Variants in ASTN2 observed in about 807,000 individuals in gnomAD.
The protein encoded by ASTN2 is astrotactin-2.
In ASTN2, 54 loss-of-function variants were observed where a neutral mutation model predicts 139.8. That is an observed-to-expected ratio of 0.39 (90% confidence interval 0.31 to 0.48). ASTN2 has a LOEUF of 0.48. Ranked by LOEUF, ASTN2 falls within the 20% of genes least tolerant of loss-of-function variation. The pLI is 0.95. For missense variants in ASTN2, 1,565 were observed against 1,725.1 expected (o/e 0.91, Z 1.64); for synonymous variants, 756 against 719.5 (o/e 1.05, Z -0.81).
chr9:116,765,165 A>T (rs1010589505), intron 13 of ASTN2, among the ~76,000 whole-genome samples: 8 of 152,154 alleles, frequency 5.3e-5, no homozygotes, highest in African/African-American at 1.4e-4. Context: ...GCCAAATTCT[A>T]CCTGAGAGCA....
intron 20 of ASTN2, among the ~76,000 whole-genome samples, chr9:116,483,784 T>G (rs981586309): frequency 6.6e-6 from 1 of 152,166 alleles, no homozygotes; most frequent in Non-Finnish European, 1.5e-5. Flanking sequence ...ACAGAACTCA[T>G]GAGCTAGGAT....
In ASTN2 at chr9:117,214,669, T is replaced by G. The variant is rs1832252905; in HGVS notation, c.704A>C (p.Lys235Thr). 4 of 1,542,950 alleles carry G rather than the reference T, an allele frequency of 2.6e-6. No homozygotes were observed. In the East Asian group the frequency reaches 9.1e-5, roughly 35 times the overall value. Residue 235 changes from lysine (K) to threonine (T), a missense_variant, in exon 3 of 23, where the codon AAG (lysine) becomes ACG (threonine). Coordinates refer to ENST00000313400, the MANE Select transcript of ASTN2 (RefSeq NM_001365068.1). The part of the protein sequence containing the change: ...VALYAQRRWQ[K>T]RRRIPQKSAS... ...GCTCTTCTGGGGGATGCGGCGACGC[T>G]TCTGCCAACGTCGCTGGGCGTACAG...
At chr9:116,904,172 A>G (rs1470679226) in intron 10 of ASTN2, among the ~76,000 whole-genome samples, 3 of 152,144 alleles carry the variant, frequency 2.0e-5, no homozygotes, top group Non-Finnish European at 4.4e-5. Context: ...TGCTTCTGGT[A>G]CAGCTCTAAG....
chr9:116,729,638 G>C (rs1469756066), intron 14 of ASTN2, among the ~76,000 whole-genome samples: 1 of 152,172 alleles, frequency 6.6e-6, no homozygotes, highest in East Asian at 1.9e-4. Flanking sequence ...CACCTGCAAA[G>C]GCTAATGCAT....
At chr9:116,594,924 T>C (rs1854505339) in intron 19 of ASTN2, among the ~76,000 whole-genome samples, 1 of 152,200 alleles carries the variant, frequency 6.6e-6, no homozygotes, top group African/African-American at 2.4e-5. Flanking sequence ...CCTCTCCTTT[T>C]ATTAAAATAA....
chr9:116,880,719 C>T (rs192827153), intron 10 of ASTN2, among the ~76,000 whole-genome samples: 30 of 152,142 alleles, frequency 2.0e-4, no homozygotes, highest in South Asian at 1.0e-3. Context: ...CCTTCTAGGG[C>T]AAAAGAAGTT....
chr9:116,988,724 G>A (rs1041344865), intron 7 of ASTN2, among the ~76,000 whole-genome samples: 1 of 152,082 alleles, frequency 6.6e-6, no homozygotes, highest in Admixed American at 6.6e-5. Flanking sequence ...GCACAACCCG[G>A]TGTCTCATCA....
chr9:117,129,178 T>C (rs1316557883), intron 4 of ASTN2, among the ~76,000 whole-genome samples: 1 of 152,244 alleles, frequency 6.6e-6, no homozygotes, highest in Admixed American at 6.5e-5. Flanking sequence ...ATGAGATATA[T>C]GGATTGAAGG....
chr9:116,779,563 T>C (rs762952512), intron 13 of ASTN2, among the ~76,000 whole-genome samples: 33 of 152,162 alleles, frequency 2.2e-4, no homozygotes, highest in Non-Finnish European at 4.3e-4. Flanking sequence ...GAGCATTCCC[T>C]GACCTTTCAC....
chr9:116,849,223 C>T (rs1485285927), intron 11 of ASTN2, among the ~76,000 whole-genome samples: 1 of 152,164 alleles, frequency 6.6e-6, no homozygotes, highest in African/African-American at 2.4e-5. Context: ...TTTTTATGCA[C>T]ACTTCAATAC....
intron 14 of ASTN2, among the ~76,000 whole-genome samples, chr9:116,731,424 G>C (rs1828781624): frequency 6.6e-6 from 1 of 151,692 alleles, no homozygotes; most frequent in African/African-American, 2.4e-5. Flanking sequence ...GTTTTGTTTT[G>C]TTTTGTTTTG....
intron 3 of ASTN2, among the ~76,000 whole-genome samples, chr9:117,162,852 A>G (rs1386155326): frequency 6.6e-6 from 1 of 152,064 alleles, no homozygotes; most frequent in African/African-American, 2.4e-5. Flanking sequence ...CAGAGAAATT[A>G]TTGGATTCAT....
chr9:117,402,634 C>T (rs939335676), intron 1 of ASTN2, among the ~76,000 whole-genome samples: 2 of 152,026 alleles, frequency 1.3e-5, no homozygotes, highest in Admixed American at 6.6e-5. Context: ...AGATAGTCAG[C>T]GAGACATTTT....
At chr9:116,494,736 G>T (rs1473495852) in intron 19 of ASTN2, among the ~76,000 whole-genome samples, 1 of 152,150 alleles carries the variant, frequency 6.6e-6, no homozygotes, top group African/African-American at 2.4e-5. Context: ...TGCAGATGAG[G>T]AAACAGTTTC....
At chr9:116,836,993 G>A (rs1341750916) in intron 11 of ASTN2, among the ~76,000 whole-genome samples, 1 of 152,104 alleles carries the variant, frequency 6.6e-6, no homozygotes, top group South Asian at 2.1e-4. Flanking sequence ...TTGAAGACCC[G>A]TGACTTCAGC....
chr9:117,063,765 T>A (rs1348468799), intron 5 of ASTN2, among the ~76,000 whole-genome samples: 1 of 152,160 alleles, frequency 6.6e-6, no homozygotes, highest in Non-Finnish European at 1.5e-5. Flanking sequence ...ACAGCCTATA[T>A]GCCAAATGGT....
chr9:116,898,627 G>A (rs1833935180), intron 10 of ASTN2, among the ~76,000 whole-genome samples: 1 of 152,018 alleles, frequency 6.6e-6, no homozygotes. Flanking sequence ...TCTCTTATCT[G>A]TGTTTTTTCA....
intron 10 of ASTN2, among the ~76,000 whole-genome samples, chr9:116,928,907 T>C (rs553152985): frequency 5.1e-4 from 77 of 152,312 alleles, no homozygotes; most frequent in South Asian, 1.9e-3. Flanking sequence ...ATCTCTATTT[T>C]ACAAAGGAAG....
At chr9:116,783,920 T>A (rs1830291429) in intron 13 of ASTN2, among the ~76,000 whole-genome samples, 1 of 152,194 alleles carries the variant, frequency 6.6e-6, no homozygotes, top group South Asian at 2.1e-4. Context: ...GATACTTTGC[T>A]AGGTCTTGGA....
Sources: allele counts gnomAD v4.1 joint callset (sites outside exome capture counted in the v4.1 genomes callset), GRCh38; gene constraint gnomAD v4.1.1; transcripts MANE v1.5; gene names NCBI Gene and HGNC (gene_info 2026-07-23, HGNC 2026-07-21).